RERG: variants seen among roughly 807,000 people sequenced by gnomAD.
RERG encodes RAS like estrogen regulated growth inhibitor, also known as ras-related and estrogen-regulated growth inhibitor.
RERG carries 25 observed loss-of-function variants against 23.2 expected under a neutral mutation model. The ratio of observed to expected loss-of-function variants is 1.08; its 90% confidence interval spans 0.79 to 1.50. The LOEUF is 1.50. Ranked by LOEUF, RERG falls within the 40% of genes most tolerant of loss-of-function variation. The probability of loss-of-function intolerance (pLI) is 0.00; values close to 1 mark genes in which losing one functional copy is unlikely to be tolerated. For missense variants in RERG, 253 were observed against 250.1 expected, an observed-to-expected ratio of 1.01 and a Z score of -0.08; for synonymous variants, 81 against 89.1, an observed-to-expected ratio of 0.91 and a Z score of 0.51.
intron 2 of RERG, among the ~76,000 whole-genome samples, chr12:15,124,716 T>C (rs894008892): frequency 2.0e-5 from 3 of 152,038 alleles, no homozygotes; most frequent in Non-Finnish European, 4.4e-5. Context: ...GTATTTATTA[T>C]GGAAAAATGC....
chr12:15,139,752 T>C (rs1257612760), intron 2 of RERG, among the ~76,000 whole-genome samples: 1 of 152,152 alleles, frequency 6.6e-6, no homozygotes, highest in East Asian at 1.9e-4. Context: ...AATCATATCA[T>C]TTGTGAACAA....
intron 2 of RERG, among the ~76,000 whole-genome samples, chr12:15,166,559 GTGT>G (rs1864695526): frequency 1.3e-5 from 2 of 151,430 alleles, no homozygotes; most frequent in Admixed American, 1.3e-4. Context: ...GTTGGTGGTG[GTGT>G]TGGTGGTGGT....
intron 2 of RERG, among the ~76,000 whole-genome samples, chr12:15,199,656 C>G (rs1865190551): frequency 6.6e-6 from 1 of 151,840 alleles, no homozygotes. Context: ...GTAGTTTTAG[C>G]CAACATACAT....
At chr12:15,163,050 G>A (rs1260798502) in intron 2 of RERG, among the ~76,000 whole-genome samples, 3 of 152,096 alleles carry the variant, frequency 2.0e-5, no homozygotes. Flanking sequence ...TTGAGCCCCC[G>A]GTTGTGTTAA....
chr12:15,175,960 A>T (rs554071841), intron 2 of RERG, among the ~76,000 whole-genome samples: 1 of 152,196 alleles, frequency 6.6e-6, no homozygotes, highest in African/African-American at 2.4e-5. Context: ...AAGTACCACA[A>T]ACTCTGCAGT....
chr12:15,186,978 A>G (rs1865001629), intron 2 of RERG, among the ~76,000 whole-genome samples: 1 of 152,190 alleles, frequency 6.6e-6, no homozygotes, highest in Admixed American at 6.6e-5. Flanking sequence ...TCTTCTTATT[A>G]GAAAAAAATT....
chr12:15,119,203 A>G (rs2136087150), intron 3 of RERG, among the ~76,000 whole-genome samples: 1 of 152,294 alleles, frequency 6.6e-6, no homozygotes, highest in African/African-American at 2.4e-5. Context: ...GAAGTACTGT[A>G]CAAGGTCACT....
chr12:15,204,085 T>C (rs1300939771), intron 2 of RERG, among the ~76,000 whole-genome samples: 2 of 151,678 alleles, frequency 1.3e-5, no homozygotes, highest in Admixed American at 6.6e-5. Context: ...AAAGTTTATA[T>C]GGAACAATAA....
chr12:15,121,169 A>G (rs1170685225), intron 2 of RERG, 50 bp from the exon 3 acceptor site: 1 of 1,413,428 alleles, frequency 7.1e-7, no homozygotes, highest in Middle Eastern at 1.8e-4. Context: ...TAATTTGCTT[A>G]GCACACCTAT....
At chr12:15,154,046 C>T (rs546412047) in intron 2 of RERG, among the ~76,000 whole-genome samples, 28 of 152,256 alleles carry the variant, frequency 1.8e-4, no homozygotes, top group Non-Finnish European at 3.5e-4. Flanking sequence ...AGGCAGGGAA[C>T]AGATCCTCCC....
At chr12:15,120,863 T>C (rs1264879634) in intron 3 of RERG, among the ~76,000 whole-genome samples, 200 bp downstream of exon 3, 1 of 152,206 alleles carries the variant, frequency 6.6e-6, no homozygotes, top group Non-Finnish European at 1.5e-5. Flanking sequence ...TCTTCATCTA[T>C]GCATTAAAAT....
intron 2 of RERG, among the ~76,000 whole-genome samples, chr12:15,168,833 C>T (rs1272853628): frequency 2.6e-5 from 4 of 152,194 alleles, no homozygotes; most frequent in African/African-American, 9.7e-5. Context: ...TTATTTCTCT[C>T]AATTCGCAGA....
intron 2 of RERG, among the ~76,000 whole-genome samples, chr12:15,213,495 G>A (rs1865396782): frequency 6.6e-6 from 1 of 152,196 alleles, no homozygotes. Context: ...ACACTTTGCA[G>A]CGTCCCCACA....
chr12:15,188,907 T>C (rs759659022), intron 2 of RERG, among the ~76,000 whole-genome samples: 55 of 152,166 alleles, frequency 3.6e-4, no homozygotes, highest in Non-Finnish European at 7.1e-4. Context: ...CAGAGTATGA[T>C]GAGAGATCAC....
chr12:15,171,477 G>A (rs536075198), intron 2 of RERG, among the ~76,000 whole-genome samples: 1 of 152,290 alleles, frequency 6.6e-6, no homozygotes, highest in East Asian at 1.9e-4. Context: ...AGGATATCCT[G>A]AATGCCAGCT....
chr12:15,154,439 C>T (rs1591650564), intron 2 of RERG: 1 of 152,192 alleles, frequency 6.6e-6, no homozygotes, highest in Non-Finnish European at 1.5e-5. Context: ...ATAAATTCTA[C>T]TTTGATTATT....
chr12:15,210,683 G>A (rs1202629109), intron 2 of RERG, among the ~76,000 whole-genome samples: 2 of 152,190 alleles, frequency 1.3e-5, no homozygotes, highest in South Asian at 4.2e-4. Flanking sequence ...ATTGCACAGA[G>A]GTCTGCCTTT....
intron 2 of RERG, among the ~76,000 whole-genome samples, chr12:15,163,237 A>AC (rs1427722609): frequency 6.6e-6 from 1 of 152,212 alleles, no homozygotes; most frequent in Non-Finnish European, 1.5e-5. Flanking sequence ...ATGCTAGAAA[A>AC]ATTGGATGAC....
At chr12:15,196,885 G>A (rs1345934513) in intron 2 of RERG, among the ~76,000 whole-genome samples, 2 of 151,800 alleles carry the variant, frequency 1.3e-5, no homozygotes, top group African/African-American at 4.9e-5. Context: ...AGGTGAGAAT[G>A]AGAAGAGAAG....
Sources: allele counts gnomAD v4.1 joint callset (sites outside exome capture counted in the v4.1 genomes callset), GRCh38; gene constraint gnomAD v4.1.1; transcripts MANE v1.5; gene names NCBI Gene and HGNC (gene_info 2026-07-23, HGNC 2026-07-21).